Variants in MGAT5 observed in about 807,000 individuals in gnomAD.
MGAT5 encodes alpha-1,6-mannosylglycoprotein 6-beta-N-acetylglucosaminyltransferase A.
In MGAT5, 30 loss-of-function variants were observed where a neutral mutation model predicts 94.3. That is an observed-to-expected ratio of 0.32 (90% CI 0.24 to 0.43). The LOEUF (loss-of-function observed/expected upper bound fraction) is 0.43, where lower values mean the gene tolerates loss of function less well. Among genes scored for constraint, MGAT5 ranks in the 20% least tolerant of loss-of-function variants. MGAT5 has a pLI of 1.00. For synonymous variants in MGAT5, 310 were observed against 322.9 expected (o/e 0.96, Z 0.43); for missense variants, 691 against 905.5 (o/e 0.76, Z 3.04).
chr2:134,252,677 C>T (rs970754397), upstream of MGAT5, among the ~76,000 whole-genome samples: 16 of 150,542 alleles, frequency 1.1e-4, no homozygotes, highest in African/African-American at 4.0e-4. Flanking sequence ...GGTTGGCAAA[C>T]CTTCTCTGTT....
intron 14 of MGAT5, among the ~76,000 whole-genome samples, chr2:134,432,638 G>T (rs563860786): frequency 2.4e-4 from 37 of 152,224 alleles, no homozygotes; most frequent in South Asian, 1.7e-3. Flanking sequence ...GACTAGGCAG[G>T]TAATGATTAA....
At chr2:134,386,427 A>G (rs1553458739) in intron 10 of MGAT5, among the ~76,000 whole-genome samples, 1 of 152,262 alleles carries the variant, frequency 6.6e-6, no homozygotes, top group Non-Finnish European at 1.5e-5. Flanking sequence ...AAATAAAAAA[A>G]TCTCTTAAAG....
chr2:134,303,047 C>T (rs145941783), intron 2 of MGAT5, among the ~76,000 whole-genome samples: 10 of 152,116 alleles, frequency 6.6e-5, no homozygotes, highest in African/African-American at 1.9e-4. Flanking sequence ...TCTGGGCATC[C>T]GTTTACACAA....
chr2:134,282,080 GT>G (rs140242098), intron 2 of MGAT5, among the ~76,000 whole-genome samples: 325 of 152,294 alleles, frequency 2.1e-3, no homozygotes, highest in African/African-American at 7.6e-3. Flanking sequence ...GTGTGTTCAG[GT>G]TTTCTCCTTT....
chr2:134,297,457 C>G, intron 2 of MGAT5, among the ~76,000 whole-genome samples: 1 of 152,098 alleles, frequency 6.6e-6, no homozygotes, highest in East Asian at 1.9e-4. Context: ...GAACAACAGA[C>G]CATGAACTCC....
chr2:134,433,757 A>G (rs183136092), intron 14 of MGAT5, among the ~76,000 whole-genome samples: 18 of 152,118 alleles, frequency 1.2e-4, no homozygotes, highest in Non-Finnish European at 2.1e-4. Context: ...CAGATAACCA[A>G]TATGTGCCTT....
rs1391634542 is a variant in MGAT5, at chr2:134,230,213, GCA to G, written c.-142-24046_-142-24045del. Among the ~76,000 whole-genome samples, 6 of 152,298 alleles carry G rather than the reference GCA, an allele frequency of 3.9e-5. No homozygotes were observed. In the East Asian group the frequency reaches 9.7e-4, roughly 25 times the overall value. ...AGTGTGCCACCTGGATCCCTCACAT[GCA>G]CAGTTCACAACAGGGTTTGTGCTCC... On this transcript the variant is annotated intron_variant, in intron 1 of 16. Transcript: ENST00000409645.
intron 2 of MGAT5, among the ~76,000 whole-genome samples, chr2:134,300,375 C>T (rs1375499299): frequency 6.6e-6 from 1 of 152,122 alleles, no homozygotes; most frequent in Non-Finnish European, 1.5e-5. Context: ...TCACAGCCTG[C>T]CTTCTGCTGA....
chr2:134,425,406 T>TTG (rs943678069), intron 13 of MGAT5, among the ~76,000 whole-genome samples: 4 of 152,026 alleles, frequency 2.6e-5, no homozygotes, highest in Non-Finnish European at 5.9e-5. Context: ...TGGTTGGTTT[T>TTG]TGTGTGTGTG....
chr2:134,277,049 A>G (rs1054976604), intron 2 of MGAT5, among the ~76,000 whole-genome samples: 1 of 152,182 alleles, frequency 6.6e-6, no homozygotes, highest in South Asian at 2.1e-4. Flanking sequence ...GTTTCAGAAT[A>G]TCGGTTTAAA....
At chr2:134,204,791 C>T (rs559626502) in intron 1 of MGAT5, among the ~76,000 whole-genome samples, 1 of 152,308 alleles carries the variant, frequency 6.6e-6, no homozygotes, top group Non-Finnish European at 1.5e-5. Flanking sequence ...GGGAAAAGCC[C>T]TGCCCTCAGT....
At chr2:134,353,770 G>A (rs1006118800) in intron 9 of MGAT5, among the ~76,000 whole-genome samples, 4 of 152,106 alleles carry the variant, frequency 2.6e-5, no homozygotes, top group African/African-American at 9.7e-5. Context: ...ACAGGTTGAT[G>A]GAAAACTTTC....
chr2:134,385,096 A>G (rs1456733484), intron 10 of MGAT5, among the ~76,000 whole-genome samples: 1 of 152,214 alleles, frequency 6.6e-6, no homozygotes, highest in Non-Finnish European at 1.5e-5. Context: ...GAGTAAATGT[A>G]TCTTATATTA....
At chr2:134,371,683 G>A (rs6430512) in intron 10 of MGAT5, among the ~76,000 whole-genome samples, 147,638 of 152,282 alleles carry the variant, frequency 0.97, 71,640 homozygotes, top group East Asian at 1. Flanking sequence ...GCTCTTTGAT[G>A]ATGGAATAGT....
At chr2:134,215,438 G>C (rs140272434) in intron 1 of MGAT5, among the ~76,000 whole-genome samples, 76 of 152,262 alleles carry the variant, frequency 5.0e-4, no homozygotes, top group Middle Eastern at 3.4e-3. Flanking sequence ...CTCAGCTTTT[G>C]GCGAGGGCCT....
chr2:134,360,575 G>A (rs1573913978), intron 9 of MGAT5, among the ~76,000 whole-genome samples: 1 of 33,250 alleles, frequency 3.0e-5, no homozygotes, highest in Non-Finnish European at 2.3e-4. Context: ...TGATCCTGAA[G>A]TATAGTGTCA....
chr2:134,379,139 T>C (rs941091567), intron 10 of MGAT5, among the ~76,000 whole-genome samples: 1 of 152,190 alleles, frequency 6.6e-6, no homozygotes, highest in Non-Finnish European at 1.5e-5. Context: ...CACCTTTTGC[T>C]TGTATCAGTT....
At chr2:134,327,017 AC>A (rs1687685056) in intron 4 of MGAT5, among the ~76,000 whole-genome samples, 1 of 152,150 alleles carries the variant, frequency 6.6e-6, no homozygotes, top group Admixed American at 6.6e-5. Context: ...TTTTGTTCTC[AC>A]GTACAATGAT....
At chr2:134,324,485 T>C (rs1687527730) in intron 4 of MGAT5, among the ~76,000 whole-genome samples, 1 of 152,116 alleles carries the variant, frequency 6.6e-6, no homozygotes, top group South Asian at 2.1e-4. Context: ...TAACCTTGAG[T>C]TTAAATTCAG....
Sources: allele counts gnomAD v4.1 joint callset (sites outside exome capture counted in the v4.1 genomes callset), GRCh38; gene constraint gnomAD v4.1.1; transcripts MANE v1.5; gene names NCBI Gene and HGNC (gene_info 2026-07-23, HGNC 2026-07-21).